The following ETV5 variants were observed in gnomAD, a reference collection of about 807,000 sequenced individuals.
The protein encoded by ETV5 is ETS translocation variant 5.
A neutral mutation model predicts 70.0 loss-of-function variants in ETV5; 10 were observed. That is an observed-to-expected ratio of 0.14 (90% CI 0.09 to 0.24). ETV5 has a LOEUF of 0.24. Ranked by LOEUF, ETV5 falls within the 10% of genes least tolerant of loss-of-function variation. ETV5 has a pLI of 1.00. For synonymous variants in ETV5, 216 were observed against 242.2 expected (o/e 0.89, Z 1.01); for missense variants, 453 against 651.2 (o/e 0.70, Z 3.31).
At chr3:186,077,756 G>A (rs951980657) in intron 7 of ETV5, among the ~76,000 whole-genome samples, 4 of 152,198 alleles carry the variant, frequency 2.6e-5, no homozygotes, top group Non-Finnish European at 5.9e-5. Flanking sequence ...TCAACTTTGA[G>A]AGGACAGCAC....
chr3:186,107,949 C>A (rs1011244401), intron 1 of ETV5, among the ~76,000 whole-genome samples: 1 of 151,750 alleles, frequency 6.6e-6, no homozygotes, highest in Non-Finnish European at 1.5e-5. Context: ...GACGCAGGCC[C>A]CTCACCCCAG....
At chr3:186,093,890 G>A (rs1016114837) in intron 5 of ETV5, among the ~76,000 whole-genome samples, 1 of 152,250 alleles carries the variant, frequency 6.6e-6, no homozygotes, top group Non-Finnish European at 1.5e-5. Context: ...GCATGAGGCT[G>A]AAAGCTGCTC....
intron 7 of ETV5, among the ~76,000 whole-genome samples, chr3:186,068,561 T>C (rs1713510601): frequency 6.6e-6 from 1 of 152,226 alleles, no homozygotes; most frequent in South Asian, 2.1e-4. Flanking sequence ...TAAATCCAGA[T>C]GTGTGCCAGC....
At position 186,057,590 on chromosome 3, in the gene ETV5, G is replaced by A. The variant is rs1444942950; in HGVS notation, c.971-99C>T. 1 of 1,021,358 alleles carries A rather than the reference G, an allele frequency of 9.8e-7. No individual in the cohort carries two copies. The highest frequency in any genetic ancestry group is 1.5e-6 in the Non-Finnish European group (1 of 649,560). 63.3% of individuals were successfully genotyped at this position (1,021,358 alleles called of 1,614,324 possible). Reference sequence around the variant, plus strand: ...ACTAGAGTGCAATCCTATCATTTCAGATCCTAAGTCCTACTGCTGTATCTA... The same window carrying A: ...ACTAGAGTGCAATCCTATCATTTCAAATCCTAAGTCCTACTGCTGTATCTA... On this transcript the variant is annotated intron_variant, in intron 9 of 12. Transcript: ENST00000306376. The surrounding 1 kb of genome is among the most constrained non-coding windows in gnomAD (Gnocchi z 4.9).
chr3:186,053,245 G>A (rs1022261386), intron 11 of ETV5, among the ~76,000 whole-genome samples: 1 of 152,106 alleles, frequency 6.6e-6, no homozygotes, highest in African/African-American at 2.4e-5. Flanking sequence ...GGGATTACAG[G>A]TGTCCATTGT....
intron 5 of ETV5, among the ~76,000 whole-genome samples, chr3:186,091,366 G>A (rs567036377): frequency 6.6e-6 from 1 of 152,134 alleles, no homozygotes; most frequent in South Asian, 2.1e-4. Context: ...CATATGTCTC[G>A]GCAAGAACCA....
Position 186,057,040 on chromosome 3 carries a change from T to C in ETV5, c.1209+35A>G. Reference sequence around the variant, plus strand: ...AAAAAACATCATCAACAACAACAAATCAAAACCCGTCTGAGTCCAGCATCC... The same window carrying C: ...AAAAAACATCATCAACAACAACAAACCAAAACCCGTCTGAGTCCAGCATCC... On this transcript the variant is annotated intron_variant, in intron 11 of 12. Coordinates refer to ENST00000306376, the MANE Select transcript of ETV5 (RefSeq NM_004454.3). The surrounding 1 kb of genome is among the most constrained non-coding windows in gnomAD (Gnocchi z 4.9). 1 of 1,595,538 alleles carries C rather than the reference T, an allele frequency of 6.3e-7. No individual in the cohort carries two copies. The highest frequency in any genetic ancestry group is 8.6e-7 in the Non-Finnish European group (1 of 1,167,682).
At chr3:186,108,057 T>C (rs2108447699) in intron 1 of ETV5, among the ~76,000 whole-genome samples, 1 of 149,518 alleles carries the variant, frequency 6.7e-6, no homozygotes, top group Middle Eastern at 3.6e-3. Context: ...CCCGCTTCAT[T>C]CATAAAGTCA....
In ETV5 at chr3:186,054,325, C is replaced by A. The variant is rs1374914464; in HGVS notation, c.1210-2194G>T. On this transcript the variant is annotated intron_variant, in intron 11 of 12. Transcript: ENST00000306376. This position sits in a 1 kb window ranked among gnomAD's most constrained non-coding sequence, Gnocchi z 4.4. ...TGAGGACTGAGGCTGAAGGAGTTAACGGATCTACCTATTCCTTCTCCCCTT... is the reference window on the plus strand; with the variant it reads ...TGAGGACTGAGGCTGAAGGAGTTAAAGGATCTACCTATTCCTTCTCCCCTT... Among the ~76,000 whole-genome samples, 1 of 152,158 alleles carries A rather than the reference C, an allele frequency of 6.6e-6. No individual in the cohort carries two copies. Among genetic ancestry groups the A allele is most frequent in the Non-Finnish European group, 1.5e-5 (1 of 68,028 alleles).
intron 1 of ETV5, among the ~76,000 whole-genome samples, chr3:186,107,640 G>T (rs941598418): frequency 6.6e-6 from 1 of 152,302 alleles, no homozygotes; most frequent in South Asian, 2.1e-4. Flanking sequence ...GTTCATCCAG[G>T]AGTTTAAACC....
chr3:186,056,455 C>T (rs928742268), intron 11 of ETV5, among the ~76,000 whole-genome samples: 1 of 151,066 alleles, frequency 6.6e-6, no homozygotes, highest in East Asian at 1.9e-4. Context: ...GCCATGTTAC[C>T]CAGGCTGGTC....
chr3:186,084,756 C>T (rs1714017930), intron 5 of ETV5, among the ~76,000 whole-genome samples: 1 of 152,200 alleles, frequency 6.6e-6, no homozygotes, highest in South Asian at 2.1e-4. Context: ...GGCCTCCGCA[C>T]TGTCATTTTA....
At chr3:186,091,105 G>C (rs79278605) in intron 5 of ETV5, among the ~76,000 whole-genome samples, 10,171 of 152,214 alleles carry the variant, frequency 0.067, 1,186 homozygotes, top group East Asian at 0.53. Context: ...CACATGCAGG[G>C]GCTGAGATTT....
chr3:186,084,677 T>C (rs1714015254), intron 5 of ETV5, among the ~76,000 whole-genome samples: 1 of 152,090 alleles, frequency 6.6e-6, no homozygotes, highest in African/African-American at 2.4e-5. Flanking sequence ...CATTTATAGA[T>C]AAGGATCCTG....
intron 5 of ETV5, among the ~76,000 whole-genome samples, chr3:186,094,118 T>A (rs909795015): frequency 2.6e-5 from 4 of 152,228 alleles, no homozygotes; most frequent in Non-Finnish European, 5.9e-5. Flanking sequence ...GCGAATGATA[T>A]GGGTGATTTG....
At chr3:186,106,198 G>A (rs1039355151) in intron 1 of ETV5, among the ~76,000 whole-genome samples, 1 of 151,938 alleles carries the variant, frequency 6.6e-6, no homozygotes, top group African/African-American at 2.4e-5. Context: ...TAAAATTACA[G>A]ATTTGCTACT....
At chr3:186,074,879 A>C (rs1713742293) in intron 7 of ETV5, among the ~76,000 whole-genome samples, 1 of 150,760 alleles carries the variant, frequency 6.6e-6, no homozygotes, top group Non-Finnish European at 1.5e-5. Context: ...AAAAAAAAAA[A>C]AAAGAATAAA....
At chr3:186,084,107 C>G in intron 5 of ETV5, 1 of 359,524 alleles carries the variant, frequency 2.8e-6, no homozygotes, top group Non-Finnish European at 5.5e-6. Flanking sequence ...GGGCACAGCA[C>G]CTTGCAGATG....
chr3:186,080,164 C>A, intron 6 of ETV5, 60 bp from the exon 7 acceptor site: 3 of 1,368,914 alleles, frequency 2.2e-6, no homozygotes, highest in South Asian at 1.8e-5. Flanking sequence ...GCATGGTTAC[C>A]AGGTCCAGCA....
Sources: gnomAD v4.1 joint callset for allele counts (sites outside exome capture counted in the v4.1 genomes callset) on GRCh38, gnomAD v4.1.1 for gene constraint, Gnocchi (gnomAD v3.1) non-coding constraint, MANE v1.5 for transcripts, NCBI Gene and HGNC (gene_info 2026-07-23, HGNC 2026-07-21) for gene names.